CTNNBL1: variants seen among roughly 807,000 people sequenced by gnomAD.
CTNNBL1 encodes the protein catenin beta like 1.
A neutral mutation model predicts 72.7 loss-of-function variants in CTNNBL1; 31 were observed. That is an observed-to-expected ratio of 0.43 (90% CI 0.32 to 0.58). The LOEUF (loss-of-function observed/expected upper bound fraction) is 0.58, where lower values mean the gene tolerates loss of function less well. Among genes scored for constraint, CTNNBL1 ranks in the 20% least tolerant of loss-of-function variants. The pLI, the probability that CTNNBL1 is intolerant of heterozygous loss-of-function variation, is 0.08. For synonymous variants in CTNNBL1, 240 were observed against 267.3 expected, an observed-to-expected ratio of 0.90 and a Z score of 1.00; for missense variants, 534 against 725.1, an observed-to-expected ratio of 0.74 and a Z score of 3.03.
At chr20:37,857,279 A>G (rs746641969) in intron 13 of CTNNBL1, among the ~76,000 whole-genome samples, 33 of 152,224 alleles carry the variant, frequency 2.2e-4, no homozygotes, top group Non-Finnish European at 4.0e-4. Context: ...CAGATTACCA[A>G]TGAATTTGCT....
intron 11 of CTNNBL1, among the ~76,000 whole-genome samples, chr20:37,829,034 C>T (rs1049260994): frequency 1.3e-5 from 2 of 152,236 alleles, no homozygotes; most frequent in Middle Eastern, 3.4e-3. Flanking sequence ...AAGTCAAGAT[C>T]GATCTAGTTA....
At chr20:37,701,853 GCTCAT>G (rs983934494) in intron 1 of CTNNBL1, among the ~76,000 whole-genome samples, 6 of 149,110 alleles carry the variant, frequency 4.0e-5, no homozygotes, top group African/African-American at 1.3e-4. Flanking sequence ...TACATCGTAC[GCTCAT>G]CTCAGCTGCA....
rs562680773 is a variant in CTNNBL1, at chr20:37,697,188, A to G, written c.30+3036A>G. 8.1e-5 allele frequency among the ~76,000 whole-genome samples: 12 copies of G among 147,876 alleles called. No individual in the cohort carries two copies. The South Asian group carries it at 1.7e-3, about 21-fold the overall frequency. ...ACAAGAGCGAAACTCTCTCTCAAAGAAAAAAAAAAAGAAAGAAAATGTAAA... is the reference window on the plus strand; with the variant it reads ...ACAAGAGCGAAACTCTCTCTCAAAGGAAAAAAAAAAGAAAGAAAATGTAAA... On this transcript the variant is annotated intron_variant, in intron 1 of 15. Coordinates refer to ENST00000361383, the MANE Select transcript of CTNNBL1 (RefSeq NM_030877.5).
intron 10 of CTNNBL1, among the ~76,000 whole-genome samples, chr20:37,796,233 T>C (rs976745354): frequency 2.0e-5 from 3 of 152,218 alleles, no homozygotes; most frequent in Non-Finnish European, 4.4e-5. Flanking sequence ...TTTCCTCACA[T>C]GCTTGCGCTT....
intron 11 of CTNNBL1, among the ~76,000 whole-genome samples, chr20:37,839,186 C>T (rs946968689): frequency 6.6e-6 from 1 of 152,154 alleles, no homozygotes; most frequent in African/African-American, 2.4e-5. Context: ...AAATTATATC[C>T]GTGCTATAAT....
intron 1 of CTNNBL1, 118 bp from the exon 2 acceptor site, chr20:37,732,760 TG>T: frequency 1.2e-6 from 1 of 844,134 alleles, no homozygotes; most frequent in Non-Finnish European, 1.8e-6. Flanking sequence ...CTCAAACTCC[TG>T]GGCTCAAGAG....
intron 11 of CTNNBL1, among the ~76,000 whole-genome samples, chr20:37,830,619 A>G (rs942704153): frequency 6.6e-6 from 1 of 152,164 alleles, no homozygotes; most frequent in African/African-American, 2.4e-5. Context: ...TAATATACAT[A>G]GGACTCATGC....
In CTNNBL1 at chr20:37,851,805, C is replaced by T. The variant is rs576642909; in HGVS notation, c.1393-8094C>T. Among the ~76,000 whole-genome samples the T allele has an allele frequency of 6.6e-5, 10 of 152,314 alleles. No individual in the cohort carries two copies. In the South Asian group the frequency reaches 1.7e-3, roughly 25 times the overall value. On this transcript the variant is annotated intron_variant, in intron 13 of 15. Coordinates refer to ENST00000361383, the MANE Select transcript of CTNNBL1 (RefSeq NM_030877.5). The stretch of plus-strand genomic sequence containing the variant: ...CGGTGACTGGCGCTTAGTAAGGACT[C>T]GAGAAATTTCACTATTGTTAGGATT...
At position 37,753,195 on chromosome 20, in the gene CTNNBL1, G is replaced by A. The variant is rs182275736; in HGVS notation, c.467-4364G>A. Among the ~76,000 whole-genome samples the A allele has an allele frequency of 7.9e-5, 12 of 152,226 alleles. No individual in the cohort carries two copies. In the East Asian group the frequency reaches 1.9e-3, roughly 25 times the overall value. ...CTGCCTTGCTGAAATGCTATTTTGT[G>A]AAAGTTGGGAATTTATATAAAATCA... On this transcript the variant is annotated intron_variant, in intron 4 of 15. Transcript: ENST00000361383.
rs145224089 is a variant in CTNNBL1 at position 37,859,930 on chromosome 20, A to G, written c.1424A>G (p.Asn475Ser). The G allele has an allele frequency of 6.8e-5, 109 of 1,614,182 alleles. No individual in the cohort carries two copies. In the African/African-American group the frequency reaches 1.2e-3, roughly 18 times the overall value. The change falls in exon 14 of 16, where the codon AAT becomes AGT. Residue 475 changes from asparagine (N) to serine (S), a missense_variant. Coordinates refer to ENST00000361383, the MANE Select transcript of CTNNBL1 (RefSeq NM_030877.5). ...DMVRRGEIID[N>S]DTEEEFYLRR... is the part of the protein sequence containing the mutation. ...GTCCGGCGAGGAGAGATCATCGACA[A>G]TGACACCGAGGAGGAGTTCTACCTC...
At chr20:37,863,101 C>T (rs1049162579) in intron 15 of CTNNBL1, among the ~76,000 whole-genome samples, 1 of 152,170 alleles carries the variant, frequency 6.6e-6, no homozygotes, top group African/African-American at 2.4e-5. Context: ...TGAAACCCTA[C>T]CCTTGTATGA....
At chr20:37,717,516 A>T (rs1434128731) in intron 1 of CTNNBL1, among the ~76,000 whole-genome samples, 2 of 152,160 alleles carry the variant, frequency 1.3e-5, no homozygotes, top group Admixed American at 1.3e-4. Context: ...TTAATTTGTT[A>T]TTTAAAGGTT....
intron 6 of CTNNBL1, among the ~76,000 whole-genome samples, chr20:37,765,948 ATTACTGG>A (rs751503452): frequency 5.9e-5 from 9 of 152,158 alleles, no homozygotes; most frequent in Non-Finnish European, 1.3e-4. Context: ...AGCTCTCTTT[ATTACTGG>A]TCACTGTCTT....
In CTNNBL1 at chr20:37,795,740, T is replaced by C. The variant is rs142294210; in HGVS notation, c.1032-7127T>C. 3.9e-4 allele frequency among the ~76,000 whole-genome samples: 60 copies of C among 152,314 alleles called. 1 individual carries two copies. The East Asian group carries it at 0.011, about 27-fold the overall frequency. Reference sequence around the variant, plus strand: ...CTTCATTTTACGTATCAATTGTAGTTATAATTATGCTTTTACTGTCTTTGT... The same window carrying C: ...CTTCATTTTACGTATCAATTGTAGTCATAATTATGCTTTTACTGTCTTTGT... On this transcript the variant is annotated intron_variant, in intron 10 of 15. Coordinates refer to ENST00000361383, the MANE Select transcript of CTNNBL1 (RefSeq NM_030877.5).
intron 1 of CTNNBL1, among the ~76,000 whole-genome samples, chr20:37,725,723 C>T (rs2073078952): frequency 6.6e-6 from 1 of 151,648 alleles, no homozygotes; most frequent in Admixed American, 6.6e-5. Flanking sequence ...GTGGCTCATG[C>T]CTGTAATTTC....
At position 37,748,780 on chromosome 20, in the gene CTNNBL1, C is replaced by T. The variant is rs145807610; in HGVS notation, c.466+2173C>T. ...ACATGGTGGAAGGAGTGAGGGAGCT[C>T]GCTGTGTCTCTTTTTAGGACACTAA... On this transcript the variant is annotated intron_variant, in intron 4 of 15. Coordinates refer to ENST00000361383, the MANE Select transcript of CTNNBL1 (RefSeq NM_030877.5). Among the ~76,000 whole-genome samples, 167 of 152,256 alleles carry T rather than the reference C, an allele frequency of 1.1e-3. 1 individual carries two copies. Among genetic ancestry groups the T allele is most frequent in the African/African-American group, 3.4e-3 (140 of 41,538 alleles).
At chr20:37,815,981 GC>G (rs2072055016) in intron 11 of CTNNBL1, among the ~76,000 whole-genome samples, 1 of 152,196 alleles carries the variant, frequency 6.6e-6, no homozygotes, top group African/African-American at 2.4e-5. Context: ...CTGGGGAAAT[GC>G]TCTGTGTATT....
At chr20:37,816,974 T>C (rs1418515349) in intron 11 of CTNNBL1, among the ~76,000 whole-genome samples, 1 of 152,232 alleles carries the variant, frequency 6.6e-6, no homozygotes, top group African/African-American at 2.4e-5. Context: ...ATGATGGCGA[T>C]AGTGTGATAG....
intron 11 of CTNNBL1, among the ~76,000 whole-genome samples, chr20:37,805,925 AT>A (rs1299249279): frequency 6.6e-6 from 1 of 152,154 alleles, no homozygotes; most frequent in African/African-American, 2.4e-5. Context: ...ATGAACAACC[AT>A]TTCCCTGAAA....
Sources: gnomAD v4.1 joint callset for allele counts (sites outside exome capture counted in the v4.1 genomes callset) on GRCh38, gnomAD v4.1.1 for gene constraint, MANE v1.5 for transcripts, NCBI Gene and HGNC (gene_info 2026-07-23, HGNC 2026-07-21) for gene names.